RAB11FIP1: variants seen among roughly 807,000 people sequenced by gnomAD.
The protein encoded by RAB11FIP1 is RAB11 family interacting protein 1.
In RAB11FIP1, 49 loss-of-function variants were observed where a neutral mutation model predicts 83.1. That is an observed-to-expected ratio of 0.59 (90% CI 0.47 to 0.75). The LOEUF is 0.75. Ranked by LOEUF, RAB11FIP1 falls within the 30% of genes least tolerant of loss-of-function variation. RAB11FIP1 has a pLI of 0.00. For synonymous variants in RAB11FIP1, 670 were observed against 656.0 expected (o/e 1.02, Z -0.33); for missense variants, 1,536 against 1,598.7 (o/e 0.96, Z 0.67).
In RAB11FIP1 at chr8:37,877,020, T is replaced by C. The variant is rs372451340; in HGVS notation, c.814+89A>G. ...AATTGAGGAATTGAATTAAACTCTT[T>C]CTCTTGAGATTTGTCTGTTTCTTCT... is the stretch of plus-strand genomic sequence containing the variant. On this transcript the variant is annotated intron_variant, in intron 2 of 5. Coordinates refer to ENST00000330843, the MANE Select transcript of RAB11FIP1 (RefSeq NM_001002814.3). 3.2e-5 allele frequency: 31 copies of C among 973,222 alleles called. No homozygotes were observed. In the Middle Eastern group the frequency reaches 9.3e-4, roughly 29 times the overall value. The allele number at this position is 973,222 out of a possible 1,614,324, so 60.3% of individuals were successfully genotyped here.
At chr8:37,895,982 G>T (rs1807080715) in intron 1 of RAB11FIP1, among the ~76,000 whole-genome samples, 1 of 152,004 alleles carries the variant, frequency 6.6e-6, no homozygotes, top group Admixed American at 6.6e-5. Context: ...CCGTTCAAAT[G>T]ACTTTTCTAG....
intron 1 of RAB11FIP1, among the ~76,000 whole-genome samples, chr8:37,897,588 C>T (rs1239465245): frequency 6.6e-6 from 1 of 151,174 alleles, no homozygotes; most frequent in African/African-American, 2.4e-5. Flanking sequence ...TGGTTTTTGC[C>T]CAGTTTTTAC....
rs36034479 is a variant in RAB11FIP1 at position 37,880,767 on chromosome 8, C to CAA, written c.372-3218_372-3217dup. On this transcript the variant is annotated intron_variant, in intron 1 of 5. Transcript: ENST00000330843. ...CAACAGAGTGAGACCCTATCCCTTTCAAAAAAAAAAAAAAAAAATGTGAGC... is the reference window on the plus strand; with the variant it reads ...CAACAGAGTGAGACCCTATCCCTTTCAAAAAAAAAAAAAAAAAAAATGTGAGC... Among the ~76,000 whole-genome samples the CAA allele has an allele frequency of 8.2e-3, 699 of 84,758 alleles. 3 individuals are homozygous for CAA. Among genetic ancestry groups the CAA allele is most frequent in the African/African-American group, 0.026 (664 of 25,158 alleles). The allele number at this position is 84,758 out of a possible 152,430, so 55.6% of individuals were successfully genotyped here.
chr8:37,877,523 T>C lies in RAB11FIP1; in HGVS notation c.400A>G (p.Lys134Glu). Reference sequence around the variant, plus strand: ...ATTTCTCCTCGCTCCTTGTCCTTCTTTCCTGGTTTGGATTTCAACTTATAC... The same window carrying C: ...ATTTCTCCTCGCTCCTTGTCCTTCTCTCCTGGTTTGGATTTCAACTTATAC... ...QWYKLKSKPG[K>E]KDKERGEIEV... The change falls in exon 2 of 6, where the codon AAG becomes GAG. Residue 134 changes from lysine (K) to glutamate (E), a missense_variant. By Grantham distance (56) the Lys-to-Glu change is moderately conservative (BLOSUM62 1). Transcript: ENST00000330843. 6.2e-7 allele frequency: 1 copy of C among 1,609,162 alleles called. No individual in the cohort carries two copies. Among genetic ancestry groups the C allele is most frequent in the Non-Finnish European group, 8.5e-7 (1 of 1,179,698 alleles).
chr8:37,869,919 A>C (rs2130134778), intron 5 of RAB11FIP1, among the ~76,000 whole-genome samples: 1 of 152,338 alleles, frequency 6.6e-6, no homozygotes, highest in African/African-American at 2.4e-5. Context: ...CCAAAAAAGT[A>C]TATCTATGCA....
intron 1 of RAB11FIP1, among the ~76,000 whole-genome samples, chr8:37,885,034 G>T (rs1806803505): frequency 6.9e-6 from 1 of 145,554 alleles, no homozygotes; most frequent in East Asian, 2.0e-4. Context: ...TCACCGTGTT[G>T]CACAGGCTGG....
At position 37,899,197 on chromosome 8, in the gene RAB11FIP1, G is replaced by T; in HGVS notation, c.245C>A (p.Pro82His). The T allele has an allele frequency of 6.4e-7, 1 of 1,569,106 alleles. No homozygotes were observed. The highest frequency in any genetic ancestry group is 8.6e-7 in the Non-Finnish European group (1 of 1,164,940). The change falls in exon 1 of 6, where the codon CCC becomes CAC. Residue 82 changes from proline (P) to histidine (H), a missense_variant. Physicochemically the swap from Pro to His is moderately conservative, Grantham distance 77. Transcript: ENST00000330843. The surrounding 1 kb of genome is among the most constrained non-coding windows in gnomAD (Gnocchi z 4.5). ...GAGCTGCAGGGTGGCGGCGGCCGCGGGTCCGGAGGACAGCAGCGATGGCAG... is the reference window on the plus strand; with the variant it reads ...GAGCTGCAGGGTGGCGGCGGCCGCGTGTCCGGAGGACAGCAGCGATGGCAG... ...FELPSLLSSG[P>H]AAAATLQLTV...
intron 1 of RAB11FIP1, among the ~76,000 whole-genome samples, chr8:37,895,659 A>C (rs1807074686): frequency 6.6e-6 from 1 of 151,966 alleles, no homozygotes; most frequent in Non-Finnish European, 1.5e-5. Flanking sequence ...TACTAGATAT[A>C]TCCTATTTAT....
rs150074262 is a variant in RAB11FIP1 at position 37,881,840 on chromosome 8, G to T, written c.372-4289C>A. The stretch of plus-strand genomic sequence containing the variant: ...TTTATAGACAATGTCACCCTTGCCA[G>T]CCTAGTGTCTGTCCAATACATTTTC... On this transcript the variant is annotated intron_variant, in intron 1 of 5. Coordinates refer to ENST00000330843, the MANE Select transcript of RAB11FIP1 (RefSeq NM_001002814.3). Among the ~76,000 whole-genome samples the T allele has an allele frequency of 1.5e-3, 222 of 152,234 alleles. 1 individual carries two copies. Among genetic ancestry groups the T allele is most frequent in the African/African-American group, 5.0e-3 (209 of 41,532 alleles).
At chr8:37,865,716 T>A (rs1806329234) in intron 5 of RAB11FIP1, among the ~76,000 whole-genome samples, 2 of 152,244 alleles carry the variant, frequency 1.3e-5, no homozygotes, top group South Asian at 4.1e-4. Context: ...TTTTCCATCA[T>A]AACATTTTAG....
intron 1 of RAB11FIP1, among the ~76,000 whole-genome samples, chr8:37,889,412 C>T (rs1563374612): frequency 2.0e-5 from 3 of 152,162 alleles, no homozygotes; most frequent in South Asian, 2.1e-4. Context: ...TTACAAAGCT[C>T]GATCCTATCT....
intron 5 of RAB11FIP1, among the ~76,000 whole-genome samples, chr8:37,864,133 C>T (rs1806297175): frequency 6.6e-6 from 1 of 152,256 alleles, no homozygotes; most frequent in Non-Finnish European, 1.5e-5. Flanking sequence ...GCCCCGTCCT[C>T]ACCCGTGGCC....
At chr8:37,887,864 C>A (rs1410649494) in intron 1 of RAB11FIP1, among the ~76,000 whole-genome samples, 1 of 152,172 alleles carries the variant, frequency 6.6e-6, no homozygotes, top group East Asian at 1.9e-4. Flanking sequence ...GGCTTATAAT[C>A]GTCAAACTTA....
Position 37,874,892 on chromosome 8 carries a change from T to G in RAB11FIP1, c.1245A>C (p.Ala415=), listed in dbSNP as rs1454579064. 2.5e-6 allele frequency: 4 copies of G among 1,614,168 alleles called. No homozygotes were observed. Among genetic ancestry groups the G allele is most frequent in the Non-Finnish European group, 3.4e-6 (4 of 1,180,020 alleles). ...TAGCTTCTTTTGTGGCCTCTGAGTT[T>G]GCGGGGGCCATGTTTTCCCTGAGGT... ...SGDLRENMAP[A]NSEATKEAKE... The change falls in exon 3 of 6, where the codon GCA becomes GCC. Residue 415 remains alanine, a synonymous_variant. Transcript: ENST00000330843.
chr8:37,865,845 G>A (rs566979563), intron 5 of RAB11FIP1, among the ~76,000 whole-genome samples: 1 of 152,098 alleles, frequency 6.6e-6, no homozygotes, highest in Non-Finnish European at 1.5e-5. Flanking sequence ...TTATCAAAAT[G>A]CACGAACATA....
intron 1 of RAB11FIP1, among the ~76,000 whole-genome samples, chr8:37,892,829 C>T (rs73676727): frequency 0.014 from 2,078 of 152,216 alleles, 39 homozygotes; most frequent in African/African-American, 0.048. Context: ...CACAAGCACG[C>T]CCCCACTTCC....
In RAB11FIP1 at chr8:37,871,338, G is replaced by T. The variant is rs752345117; in HGVS notation, c.3464C>A (p.Pro1155His). The stretch of plus-strand genomic sequence containing the variant: ...AGCTGAGACTGGATGTGTCTCCGAG[G>T]GTGAGACCCAGGCCTGGAGGAGTGG... Reference protein sequence around the residue: ...RKPLLQAWVSPSETHPVSAQP... With the variant: ...RKPLLQAWVSHSETHPVSAQP... The change falls in exon 4 of 6, where the codon CCC becomes CAC. Residue 1155 changes from proline (P) to histidine (H), a missense_variant. Coordinates refer to ENST00000330843, the MANE Select transcript of RAB11FIP1 (RefSeq NM_001002814.3). The T allele has an allele frequency of 2.5e-6, 4 of 1,614,084 alleles. No individual in the cohort carries two copies. The highest frequency in any genetic ancestry group is 3.4e-6 in the Non-Finnish European group (4 of 1,179,988).
chr8:37,872,722 GGA>G lies in RAB11FIP1; in HGVS notation c.2078_2079del (p.Leu693ProfsTer5). On this transcript the variant is annotated frameshift_variant, in exon 4 of 6. Transcript: ENST00000330843. LOFTEE classifies it high-confidence loss of function. ...NTSSLELEESLPEQPETGRQE... is the reference protein window; with the variant it reads ...NTSSLELEESXPEQPETGRQE... The stretch of plus-strand genomic sequence containing the variant: ...TGTCGCCCTGTTTCAGGCTGCTCTG[GGA>G]GAGACTCCTCCAACTCAAGGCTGCT... 2 of 1,614,148 alleles carry G rather than the reference GGA, an allele frequency of 1.2e-6. No individual in the cohort carries two copies. The highest frequency in any genetic ancestry group is 1.7e-6 in the Non-Finnish European group (2 of 1,180,020).
intron 1 of RAB11FIP1, among the ~76,000 whole-genome samples, chr8:37,894,965 C>T (rs1253205365): frequency 1.6e-4 from 24 of 148,842 alleles, no homozygotes. Context: ...ACCATGTTGA[C>T]CAGACTGGTC....
Sources: allele counts gnomAD v4.1 joint callset (sites outside exome capture counted in the v4.1 genomes callset), GRCh38; gene constraint gnomAD v4.1.1; non-coding constraint Gnocchi (gnomAD v3.1); transcripts MANE v1.5; gene names NCBI Gene and HGNC (gene_info 2026-07-23, HGNC 2026-07-21).